Variants in GLI3 observed in about 807,000 individuals in gnomAD.
GLI3 encodes the protein transcription activator GLI3.
In GLI3, 20 loss-of-function variants were observed where a neutral mutation model predicts 100.8. The observed-to-expected ratio is 0.20, with a 90% confidence interval of 0.14 to 0.29. The LOEUF (loss-of-function observed/expected upper bound fraction) is 0.29. Ranked by LOEUF, GLI3 falls within the 10% of genes least tolerant of loss-of-function variation. The pLI, the probability that GLI3 is intolerant of heterozygous loss-of-function variation, is 1.00. For synonymous variants in GLI3, 938 were observed against 860.5 expected (o/e 1.09, Z -1.58); for missense variants, 2,040 against 2,128.5 (o/e 0.96, Z 0.82).
At chr7:42,091,494 G>A (rs1785217369) in intron 3 of GLI3, among the ~76,000 whole-genome samples, 1 of 152,228 alleles carries the variant, frequency 6.6e-6, no homozygotes, top group African/African-American at 2.4e-5. Flanking sequence ...TCAACCCCAC[G>A]ACGATGCTCT....
chr7:42,223,177 C>G lies in GLI3; in HGVS notation c.77G>C (p.Arg26Pro). 1 of 1,613,786 alleles carries G rather than the reference C, an allele frequency of 6.2e-7. No homozygotes were observed. The highest frequency in any genetic ancestry group is 8.5e-7 in the Non-Finnish European group (1 of 1,179,882). ...AACGGCTTTCTCGCTCACATCTGTT[C>G]GAGTGGAGCACTTCACTATGGAATT... The part of the protein sequence containing the change: ...VENSIVKCST[R>P]TDVSEKAVAS... The change falls in exon 2 of 15, where the codon CGA becomes CCA. Residue 26 changes from arginine to proline, a missense_variant. Around this residue, in one of 5 missense-constraint regions of GLI3, gnomAD observed 603 missense variants for 690.9 expected, o/e 0.87. Transcript: ENST00000395925.
intron 4 of GLI3, among the ~76,000 whole-genome samples, chr7:42,067,098 G>T (rs1014288487): frequency 1.3e-5 from 2 of 152,050 alleles, no homozygotes; most frequent in Non-Finnish European, 2.9e-5. Flanking sequence ...GGTAATAAAA[G>T]TATTAACATA....
chr7:42,107,224 A>T (rs1014712697), intron 3 of GLI3, among the ~76,000 whole-genome samples: 1 of 152,120 alleles, frequency 6.6e-6, no homozygotes, highest in African/African-American at 2.4e-5. Context: ...CCAGCTACTC[A>T]GGAGGCTGAA....
chr7:42,195,369 C>T (rs1787909127), intron 2 of GLI3, among the ~76,000 whole-genome samples: 3 of 152,214 alleles, frequency 2.0e-5, no homozygotes, highest in Non-Finnish European at 1.5e-5. Context: ...ATTCCCCAGT[C>T]CCAGTAAGGT....
chr7:42,085,910 A>T (rs1438061084), intron 3 of GLI3, among the ~76,000 whole-genome samples: 1 of 152,212 alleles, frequency 6.6e-6, no homozygotes, highest in Admixed American at 6.5e-5. Context: ...GCAGTATTTC[A>T]AGAGTGTGCT....
chr7:42,257,629 C>A (rs1018592918), intron 1 of GLI3, among the ~76,000 whole-genome samples: 4 of 152,024 alleles, frequency 2.6e-5, no homozygotes, highest in African/African-American at 9.7e-5. Context: ...CAGGCATGAG[C>A]CACCGTGCAC....
At chr7:42,179,278 A>C (rs1787543916) in intron 2 of GLI3, among the ~76,000 whole-genome samples, 1 of 152,118 alleles carries the variant, frequency 6.6e-6, no homozygotes, top group Non-Finnish European at 1.5e-5. Context: ...AAGTCCAATA[A>C]ACTTCTTTCT....
chr7:42,045,547 G>C lies in GLI3; in HGVS notation c.680-17C>G, dbSNP rs936532989. 9.3e-6 allele frequency: 15 copies of C among 1,613,242 alleles called. No homozygotes were observed. Among genetic ancestry groups the C allele is most frequent in the Non-Finnish European group, 1.3e-5 (15 of 1,179,576 alleles). ...CATGGGGCGCTAGGAGGAGACAAGAGATGTATGGTTACTAGCGAAAGAAGG... is the reference window on the plus strand; with the variant it reads ...CATGGGGCGCTAGGAGGAGACAAGACATGTATGGTTACTAGCGAAAGAAGG... On this transcript the variant is annotated splice_polypyrimidine_tract_variant and intron_variant, in intron 5 of 14. Transcript: ENST00000395925.
chr7:42,127,297 C>CT (rs1786158213), intron 3 of GLI3, among the ~76,000 whole-genome samples: 2 of 152,234 alleles, frequency 1.3e-5, no homozygotes, highest in Admixed American at 6.5e-5. Context: ...ATGTTTTTCT[C>CT]TGACACCACA....
intron 3 of GLI3, among the ~76,000 whole-genome samples, chr7:42,117,898 A>C (rs966586541): frequency 6.6e-6 from 1 of 152,218 alleles, no homozygotes; most frequent in Non-Finnish European, 1.5e-5. Context: ...CTGGCCCTTG[A>C]GTAGCTGCCG....
At chr7:42,013,267 T>C (rs2128726444) in intron 10 of GLI3, among the ~76,000 whole-genome samples, 1 of 152,368 alleles carries the variant, frequency 6.6e-6, no homozygotes, top group East Asian at 1.9e-4. Context: ...ATATTCATTC[T>C]CTGTATTCGT....
intron 3 of GLI3, among the ~76,000 whole-genome samples, chr7:42,089,203 T>C (rs1785166132): frequency 6.6e-6 from 1 of 152,148 alleles, no homozygotes; most frequent in Non-Finnish European, 1.5e-5. Context: ...AACACATGGA[T>C]GCGTAATAGT....
chr7:42,150,375 TCA>T (rs954310305), intron 2 of GLI3, among the ~76,000 whole-genome samples: 9 of 152,172 alleles, frequency 5.9e-5, no homozygotes, highest in African/African-American at 1.4e-4. Context: ...AGCAGAAAAT[TCA>T]CAGTCTATAG....
At chr7:42,189,660 A>G (rs1787786494) in intron 2 of GLI3, among the ~76,000 whole-genome samples, 1 of 152,200 alleles carries the variant, frequency 6.6e-6, no homozygotes. Context: ...TTGAAGAATA[A>G]AGGGGAGGAA....
intron 2 of GLI3, among the ~76,000 whole-genome samples, chr7:42,194,221 C>T (rs1787882123): frequency 6.6e-6 from 1 of 152,126 alleles, no homozygotes; most frequent in Non-Finnish European, 1.5e-5. Context: ...GGTACACAGA[C>T]CACATCAAAA....
At chr7:42,255,478 A>T (rs556351612) in intron 1 of GLI3, among the ~76,000 whole-genome samples, 52 of 152,266 alleles carry the variant, frequency 3.4e-4, no homozygotes, top group Middle Eastern at 3.4e-3. Flanking sequence ...GCGTGCATCA[A>T]TTCCTGCTCC....
At chr7:42,185,675 A>G (rs1447568560) in intron 2 of GLI3, among the ~76,000 whole-genome samples, 9 of 152,250 alleles carry the variant, frequency 5.9e-5, no homozygotes, top group Non-Finnish European at 1.3e-4. Flanking sequence ...GTGCTGCTAC[A>G]GAGTATATGT....
chr7:42,151,204 C>T (rs183101226), intron 2 of GLI3: 115 of 152,288 alleles, frequency 7.6e-4, no homozygotes, highest in African/African-American at 2.6e-3. Flanking sequence ...AAAAGGAAAA[C>T]TCCAGCAGAC....
At chr7:42,258,573 T>C (rs919036799) in intron 1 of GLI3, among the ~76,000 whole-genome samples, 4 of 152,208 alleles carry the variant, frequency 2.6e-5, no homozygotes, top group Non-Finnish European at 4.4e-5. Flanking sequence ...TGGGCTACAA[T>C]AACAAAATAG....
Sources: allele counts gnomAD v4.1 joint callset (sites outside exome capture counted in the v4.1 genomes callset), GRCh38; gene constraint gnomAD v4.1.1; regional missense constraint gnomAD v4.1.1; transcripts MANE v1.5; gene names NCBI Gene and HGNC (gene_info 2026-07-23, HGNC 2026-07-21).